Variants in NID1 observed in about 807,000 individuals in gnomAD.
NID1 encodes nidogen 1, also known as nidogen-1.
A neutral mutation model predicts 130.6 loss-of-function variants in NID1; 76 were observed. The ratio of observed to expected loss-of-function variants is 0.58; its 90% CI spans 0.48 to 0.70. The LOEUF (loss-of-function observed/expected upper bound fraction) is 0.70. Ranked by LOEUF, NID1 falls within the 30% of genes least tolerant of loss-of-function variation. The pLI, the probability that NID1 is intolerant of heterozygous loss-of-function variation, is 0.00. For synonymous variants in NID1, 665 were observed against 675.1 expected (o/e 0.98, Z 0.23); for missense variants, 1,517 against 1,664.8 (o/e 0.91, Z 1.54).
At position 236,024,124 on chromosome 1, in the gene NID1, G is replaced by T; in HGVS notation, c.2074C>A (p.Gln692Lys). The T allele has an allele frequency of 6.2e-7, 1 of 1,614,246 alleles. No individual in the cohort carries two copies. Among genetic ancestry groups the T allele is most frequent in the South Asian group, 1.1e-5 (1 of 91,084 alleles). The change falls in exon 9 of 20, where the codon CAG (glutamine) becomes AAG (lysine). Residue 692 changes from glutamine (Q) to lysine (K), a missense_variant. This residue lies in a region of NID1 where 1,329 missense variants were observed against 1,429.2 expected (regional missense o/e 0.93). Transcript: ENST00000264187. Reference protein sequence around the residue: ...NAACRPGPRTQFTCECSIGFR... With the variant: ...NAACRPGPRTKFTCECSIGFR... Reference sequence around the variant, plus strand: ...CCGATGGAGCACTCGCAGGTGAACTGTGTCCTGGGACCAGGGCGACAGGCC... The same window carrying T: ...CCGATGGAGCACTCGCAGGTGAACTTTGTCCTGGGACCAGGGCGACAGGCC...
intron 3 of NID1, among the ~76,000 whole-genome samples, chr1:236,043,656 G>A (rs999843508): frequency 2.6e-5 from 4 of 152,106 alleles, no homozygotes; most frequent in Admixed American, 1.3e-4. Flanking sequence ...AAATTAGCTG[G>A]GCGTGGTGGT....
intron 3 of NID1, 130 bp from the exon 4 acceptor site, chr1:236,042,422 G>T: frequency 8.5e-7 from 1 of 1,181,386 alleles, no homozygotes; most frequent in Non-Finnish European, 1.2e-6. Context: ...ACTGGAGAGT[G>T]GAAGGGCACT....
rs965204649 is a variant in NID1, at chr1:236,042,170, T to A, written c.875A>T (p.Glu292Val). 6.2e-7 allele frequency: 1 copy of A among 1,613,916 alleles called. No homozygotes were observed. The highest frequency in any genetic ancestry group is 8.5e-7 in the Non-Finnish European group (1 of 1,180,016). Residue 292 changes from glutamate (E) to valine (V), a missense_variant, in exon 4 of 20, where the codon GAG becomes GTG. Glu to Val is a moderately radical substitution (Grantham distance 121). Transcript: ENST00000264187. ...GTEDGAEYDD[E>V]DEDYDLATTR... ...GGTCGCCAGGTCATAATCTTCATCC[T>A]CATCATCATACTCTGCCCCATCTTC...
chr1:236,046,049 C>A (rs539322329), intron 2 of NID1, among the ~76,000 whole-genome samples: 6 of 152,260 alleles, frequency 3.9e-5, no homozygotes, highest in East Asian at 1.9e-4. Context: ...CATATTCAAC[C>A]GCATTCATCG....
Position 236,045,628 on chromosome 1 carries a change from A to C in NID1, c.581T>G (p.Phe194Cys), listed in dbSNP as rs1341263175. Residue 194 changes from phenylalanine (F) to cysteine (C), a missense_variant, in exon 3 of 20, where the codon TTC (phenylalanine) becomes TGC (cysteine). Physicochemically the swap from Phe to Cys is radical, Grantham distance 205. This residue lies in a region of NID1 where 1,329 missense variants were observed against 1,429.2 expected (regional missense o/e 0.93). Coordinates refer to ENST00000264187, the MANE Select transcript of NID1 (RefSeq NM_002508.3). ...CTGCAGACCATCCTCAGGATAAAGGAAAATGGCATAGGAGCTGGAATCAGA... is the reference window on the plus strand; with the variant it reads ...CTGCAGACCATCCTCAGGATAAAGGCAAATGGCATAGGAGCTGGAATCAGA... ...ASSDSSSYAI[F>C]LYPEDGLQFH... 1 of 1,614,160 alleles carries C rather than the reference A, an allele frequency of 6.2e-7. No homozygotes were observed.
In NID1 at chr1:236,011,987, G is replaced by C. The variant is rs751733938; in HGVS notation, c.2461C>G (p.Pro821Ala). The C allele has an allele frequency of 5.6e-6, 9 of 1,614,236 alleles. No homozygotes were observed. In the Admixed American group the frequency reaches 1.3e-4, roughly 24 times the overall value. ...CHPDAFCYNT[P>A]GSFTCQCKPG... The stretch of plus-strand genomic sequence containing the variant: ...TTGCACTGGCACGTGAAAGAGCCTG[G>C]AGTGTTGTAGCAGAAGGCGTCAGGG... The change falls in exon 12 of 20, where the codon CCA (proline) becomes GCA (alanine). Residue 821 changes from proline (P) to alanine (A), a missense_variant. Physicochemically the swap from Pro to Ala is conservative, Grantham distance 27. This residue lies in a region of NID1 where 1,329 missense variants were observed against 1,429.2 expected (regional missense o/e 0.93). Transcript: ENST00000264187.
rs767202257 is a variant in NID1 at position 235,981,625 on chromosome 1, C to T, written c.3213G>A (p.Thr1071=). Residue 1071 remains threonine, a synonymous_variant, in exon 16 of 20, where the codon ACG becomes ACA. Coordinates refer to ENST00000264187, the MANE Select transcript of NID1 (RefSeq NM_002508.3). The part of the protein sequence containing the change: ...TDLVNPRGIV[T]DSVRGNLYWT... ...CACAAAGATACCCTCTCACGGAATC[C>T]GTTACAATGCCTCTGGGATTCACCA... 6 of 1,612,164 alleles carry T rather than the reference C, an allele frequency of 3.7e-6. No homozygotes were observed. The highest frequency in any genetic ancestry group is 1.7e-5 in the Admixed American group (1 of 59,422).
intron 9 of NID1, among the ~76,000 whole-genome samples, chr1:236,023,291 A>C (rs1572601941): frequency 1.3e-5 from 1 of 79,654 alleles, no homozygotes; most frequent in Non-Finnish European, 3.6e-5. Context: ...CTTAAAAAGG[A>C]AAAAAAATTC....
At chr1:236,060,933 T>C (rs1339083695) in intron 1 of NID1, among the ~76,000 whole-genome samples, 1 of 152,132 alleles carries the variant, frequency 6.6e-6, no homozygotes, top group Non-Finnish European at 1.5e-5. Flanking sequence ...ATATCAGAAG[T>C]TTACCTGTGG....
At chr1:236,048,475 T>G (rs1441603661) in intron 2 of NID1, among the ~76,000 whole-genome samples, 1 of 152,226 alleles carries the variant, frequency 6.6e-6, no homozygotes, top group Non-Finnish European at 1.5e-5. Context: ...CTTTGCTTTA[T>G]GTCTACTTGT....
chr1:236,054,923 T>G (rs1429694533), intron 1 of NID1, among the ~76,000 whole-genome samples: 1 of 152,112 alleles, frequency 6.6e-6, no homozygotes, highest in Non-Finnish European at 1.5e-5. Flanking sequence ...ATTACAGGTA[T>G]GAGCCACTGT....
At chr1:235,992,307 AT>A (rs1356855938) in intron 13 of NID1, among the ~76,000 whole-genome samples, 1 of 152,076 alleles carries the variant, frequency 6.6e-6, no homozygotes, top group Admixed American at 6.5e-5. Flanking sequence ...TCTGAAATCC[AT>A]CCGTTTCTCA....
At position 236,048,786 on chromosome 1, in the gene NID1, C is replaced by T. The variant is rs759188203; in HGVS notation, c.429G>A (p.Pro143=). The change falls in exon 2 of 20, where the codon CCG becomes CCA. Residue 143 remains proline (P), a synonymous_variant. Transcript: ENST00000264187. The stretch of plus-strand genomic sequence containing the variant: ...CGCTACTAGGCTGGAAAGAGATCTC[C>T]GGGAACCCTCTGTGGACACACTCTG... ...RAAECVHRGF[P]EISFQPSSAV... is the part of the protein sequence containing the mutation. 5.8e-5 allele frequency: 94 copies of T among 1,613,868 alleles called. No homozygotes were observed. The highest frequency in any genetic ancestry group is 3.3e-4 in the Admixed American group (20 of 59,998).
At position 236,002,503 on chromosome 1, in the gene NID1, AAAACAAAC is replaced by A. The variant is rs71174487; in HGVS notation, c.2528-8639_2528-8632del. Among the ~76,000 whole-genome samples the A allele has an allele frequency of 8.6e-4, 130 of 150,696 alleles. No homozygotes were observed. The East Asian group carries it at 0.017, about 20-fold the overall frequency. On this transcript the variant is annotated intron_variant, in intron 12 of 19. Transcript: ENST00000264187. ...GAGCAACAGAGCGAGACTCTGTCTA[AAAACAAAC>A]AAACAAACAAACAAACAAACAAAAA...
At chr1:236,011,449 C>G (rs1482494624) in intron 12 of NID1, among the ~76,000 whole-genome samples, 1 of 151,434 alleles carries the variant, frequency 6.6e-6, no homozygotes, top group Non-Finnish European at 1.5e-5. Context: ...ATTACAGGCA[C>G]AAGCCACTAC....
intron 12 of NID1, among the ~76,000 whole-genome samples, chr1:236,000,841 A>G (rs1014065299): frequency 6.6e-6 from 1 of 152,228 alleles, no homozygotes; most frequent in African/African-American, 2.4e-5. Flanking sequence ...AATAGAGTGG[A>G]GAGAGGGGAG....
At chr1:236,057,959 G>T (rs932708582) in intron 1 of NID1, among the ~76,000 whole-genome samples, 6 of 152,060 alleles carry the variant, frequency 3.9e-5, no homozygotes, top group African/African-American at 1.2e-4. Flanking sequence ...CTCACTTAGG[G>T]ATCCTGACTC....
chr1:236,036,712 T>C (rs1307233842), intron 5 of NID1, among the ~76,000 whole-genome samples: 1 of 152,134 alleles, frequency 6.6e-6, no homozygotes, highest in Non-Finnish European at 1.5e-5. Flanking sequence ...GATTAATGGA[T>C]GAATGTGTTA....
chr1:235,983,801 G>T (rs1480260245), intron 15 of NID1, among the ~76,000 whole-genome samples: 1 of 152,120 alleles, frequency 6.6e-6, no homozygotes, highest in Non-Finnish European at 1.5e-5. Context: ...TTACCTCAAA[G>T]ATATGATACT....
Sources: allele counts gnomAD v4.1 joint callset (sites outside exome capture counted in the v4.1 genomes callset), GRCh38; gene constraint gnomAD v4.1.1; regional missense constraint gnomAD v4.1.1; transcripts MANE v1.5; gene names NCBI Gene and HGNC (gene_info 2026-07-23, HGNC 2026-07-21).